Variants in PDE4B observed in about 807,000 individuals in gnomAD.
PDE4B encodes the protein phosphodiesterase 4B.
PDE4B carries 20 observed loss-of-function variants against 82.2 expected under a neutral mutation model. The observed-to-expected ratio is 0.24, with a 90% CI of 0.17 to 0.35. PDE4B has a LOEUF of 0.35. Ranked by LOEUF, PDE4B falls within the 10% of genes least tolerant of loss-of-function variation. The pLI, the probability that PDE4B is intolerant of heterozygous loss-of-function variation, is 1.00. For missense variants in PDE4B, 655 were observed against 907.2 expected (o/e 0.72, Z 3.57); for synonymous variants, 320 against 318.9 (o/e 1.00, Z -0.04).
chr1:66,213,196 A>G (rs1650201552), intron 3 of PDE4B, among the ~76,000 whole-genome samples: 1 of 152,238 alleles, frequency 6.6e-6, no homozygotes. Flanking sequence ...AGATGATATT[A>G]CAGTGGCATA....
At chr1:65,965,153 A>G (rs1649747028) in intron 3 of PDE4B, among the ~76,000 whole-genome samples, 1 of 152,130 alleles carries the variant, frequency 6.6e-6, no homozygotes, top group African/African-American at 2.4e-5. Context: ...ATTTAGGGAC[A>G]GGTTTTAGAA....
At chr1:66,081,824 CTCTCTCTCTG>C (rs775073125) in intron 3 of PDE4B, among the ~76,000 whole-genome samples, 28,269 of 110,346 alleles carry the variant, frequency 0.26, 3,185 homozygotes, top group Middle Eastern at 0.35. Flanking sequence ...CTCTCTCTCT[CTCTCTCTCTG>C]TGTGTGTGTG....
chr1:65,825,720 A>G (rs534165783), intron 1 of PDE4B, among the ~76,000 whole-genome samples: 24 of 150,354 alleles, frequency 1.6e-4, no homozygotes, highest in African/African-American at 5.9e-4. Context: ...CTATCTATCT[A>G]TCTATCTATC....
intron 7 of PDE4B, among the ~76,000 whole-genome samples, chr1:66,298,939 A>T (rs577863285): frequency 6.6e-5 from 10 of 152,226 alleles, no homozygotes; most frequent in African/African-American, 2.4e-4. Context: ...AAAAGGAAAA[A>T]GTTTAGTTGA....
intron 2 of PDE4B, among the ~76,000 whole-genome samples, chr1:65,916,093 AATT>A (rs1647156903): frequency 6.6e-6 from 1 of 152,204 alleles, no homozygotes; most frequent in Admixed American, 6.5e-5. Flanking sequence ...AGTGTGAAGT[AATT>A]ATGAATAAAT....
chr1:65,984,225 C>A (rs963293019), intron 3 of PDE4B, among the ~76,000 whole-genome samples: 1 of 152,184 alleles, frequency 6.6e-6, no homozygotes, highest in African/African-American at 2.4e-5. Context: ...AAAACTTGAT[C>A]TTAGCAGTTT....
intron 3 of PDE4B, among the ~76,000 whole-genome samples, chr1:66,023,379 G>A (rs1211794170): frequency 1.3e-5 from 2 of 152,134 alleles, no homozygotes; most frequent in South Asian, 2.1e-4. Context: ...CACAATGTTG[G>A]CACACTTTGT....
intron 1 of PDE4B, among the ~76,000 whole-genome samples, chr1:65,907,995 A>G (rs1435159230): frequency 6.6e-6 from 1 of 152,050 alleles, no homozygotes; most frequent in Non-Finnish European, 1.5e-5. Flanking sequence ...TCTGATTCTA[A>G]TCCTCATCCT....
chr1:66,300,315 G>C (rs887922454), intron 7 of PDE4B, among the ~76,000 whole-genome samples: 1 of 152,084 alleles, frequency 6.6e-6, no homozygotes, highest in Non-Finnish European at 1.5e-5. Flanking sequence ...TGCATTCCTG[G>C]GTGCAGCCTG....
rs79722858 is a variant in PDE4B at position 66,372,393 on chromosome 1, C to G, written c.1926C>G (p.Leu642=). 1.3e-5 allele frequency: 21 copies of G among 1,614,000 alleles called. No individual in the cohort carries two copies. The highest frequency in any genetic ancestry group is 1.8e-5 in the Non-Finnish European group (21 of 1,179,926). ...DLVQPDAQDI[L]DTLEDNRNWY... ...TACAGCCTGATGCTCAGGACATTCT[C>G]GATACCTTAGAAGATAACAGGAACT... The change falls in exon 17 of 17, where the codon CTC becomes CTG. Residue 642 remains leucine, a synonymous_variant. Transcript: ENST00000341517.
chr1:66,095,204 A>G (rs1297999946), intron 3 of PDE4B, among the ~76,000 whole-genome samples: 1 of 151,930 alleles, frequency 6.6e-6, no homozygotes, highest in Non-Finnish European at 1.5e-5. Context: ...GAACTAGAAG[A>G]GTCTTTTTTT....
chr1:66,106,477 C>T (rs891208181), intron 3 of PDE4B, among the ~76,000 whole-genome samples: 2 of 151,956 alleles, frequency 1.3e-5, no homozygotes, highest in Non-Finnish European at 1.5e-5. Context: ...AGGATTCCCT[C>T]TTTTTCTACT....
At chr1:66,202,446 G>T (rs564483655) in intron 3 of PDE4B, among the ~76,000 whole-genome samples, 3 of 152,268 alleles carry the variant, frequency 2.0e-5, no homozygotes, top group East Asian at 3.9e-4. Context: ...TGACAGTGGG[G>T]TGTTAAAGTC....
chr1:65,897,279 T>C (rs752327956), intron 1 of PDE4B, among the ~76,000 whole-genome samples: 3 of 152,150 alleles, frequency 2.0e-5, no homozygotes, highest in Non-Finnish European at 4.4e-5. Context: ...ATATAATGCA[T>C]TGGCTTGCAT....
At chr1:65,958,607 A>T (rs929905163) in intron 3 of PDE4B, among the ~76,000 whole-genome samples, 1 of 152,106 alleles carries the variant, frequency 6.6e-6, no homozygotes, top group African/African-American at 2.4e-5. Flanking sequence ...AAGATTTTTT[A>T]AAACTGTGAT....
intron 3 of PDE4B, among the ~76,000 whole-genome samples, chr1:66,101,876 T>C (rs920136986): frequency 8.6e-5 from 13 of 151,998 alleles, no homozygotes; most frequent in African/African-American, 1.9e-4. Flanking sequence ...GTTGCCATTG[T>C]TTTTGGTGTT....
At chr1:66,369,043 G>A (rs560512527) in intron 16 of PDE4B, 74 bp downstream of exon 16, 32 of 1,147,502 alleles carry the variant, frequency 2.8e-5, no homozygotes, top group Admixed American at 2.2e-4. Context: ...ATTTAATTCC[G>A]TTTTTCCAAT....
chr1:66,044,506 T>G (rs1323800998), intron 3 of PDE4B, among the ~76,000 whole-genome samples: 1 of 151,790 alleles, frequency 6.6e-6, no homozygotes, highest in African/African-American at 2.4e-5. Flanking sequence ...TTTGAATTGC[T>G]TTAGCAGAGG....
intron 3 of PDE4B, among the ~76,000 whole-genome samples, chr1:66,107,341 C>A (rs1047357088): frequency 6.6e-6 from 1 of 151,824 alleles, no homozygotes; most frequent in Admixed American, 6.6e-5. Context: ...TCATTATTTT[C>A]AGTGCACACC....
Sources: gnomAD v4.1 joint callset for allele counts (sites outside exome capture counted in the v4.1 genomes callset) on GRCh38, gnomAD v4.1.1 for gene constraint, MANE v1.5 for transcripts, NCBI Gene and HGNC (gene_info 2026-07-23, HGNC 2026-07-21) for gene names.